The following SHISA9 variants were observed in gnomAD, a reference collection of about 807,000 sequenced individuals.
The protein encoded by SHISA9 is protein shisa-9.
In SHISA9, 13 loss-of-function variants were observed where a neutral mutation model predicts 38.0. That is an observed-to-expected ratio of 0.34 (90% CI 0.22 to 0.54). The LOEUF (loss-of-function observed/expected upper bound fraction) is 0.54. Among genes scored for constraint, SHISA9 ranks in the 20% least tolerant of loss-of-function variants. SHISA9 has a pLI of 0.91. For synonymous variants in SHISA9, 275 were observed against 242.0 expected (o/e 1.14, Z -1.27); for missense variants, 538 against 575.8 (o/e 0.93, Z 0.67).
At chr16:13,398,582 C>A in the SHISA9 span, among the ~76,000 whole-genome samples, 3 of 151,428 alleles carry the variant, frequency 2.0e-5, no homozygotes, top group South Asian at 2.1e-4. Flanking sequence ...CTCACTGCAA[C>A]CTCCGCCCCC....
At chr16:13,304,094 T>G in the SHISA9 span, among the ~76,000 whole-genome samples, 1 of 152,244 alleles carries the variant, frequency 6.6e-6, no homozygotes, top group African/African-American at 2.4e-5. Context: ...TACAGCTTTT[T>G]TGTTTACCTC....
chr16:13,094,461 T>TA (rs138180155), intron 2 of SHISA9, among the ~76,000 whole-genome samples: 9,387 of 149,966 alleles, frequency 0.063, 407 homozygotes, highest in Admixed American at 0.14. Context: ...TAGGCAAAAA[T>TA]AAAAAAAAAA....
the SHISA9 span, among the ~76,000 whole-genome samples, chr16:13,261,014 C>T: frequency 1.3e-5 from 2 of 152,082 alleles, no homozygotes; most frequent in East Asian, 1.9e-4. Context: ...CATCAGATCT[C>T]GTGAAACTTA....
intron 2 of SHISA9, among the ~76,000 whole-genome samples, chr16:12,918,132 G>A (rs1433418769): frequency 1.3e-5 from 2 of 152,072 alleles, no homozygotes; most frequent in South Asian, 2.1e-4. Flanking sequence ...ATGAGAAATA[G>A]CAACATTTTA....
chr16:13,382,105 A>G, the SHISA9 span, among the ~76,000 whole-genome samples: 1 of 152,238 alleles, frequency 6.6e-6, no homozygotes, highest in Admixed American at 6.5e-5. Flanking sequence ...TTGGAAGTGT[A>G]TTGATACAAA....
Position 13,138,408 on chromosome 16 carries a change from A to G in SHISA9, c.692-64986A>G, listed in dbSNP as rs528487432. 1.6e-4 allele frequency among the ~76,000 whole-genome samples: 25 copies of G among 152,328 alleles called. No individual in the cohort carries two copies. The South Asian group carries it at 5.2e-3, about 32-fold the overall frequency. Reference sequence around the variant, plus strand: ...ACTGTTTCATCCTTATCACACTATTATAATCAGGATGGCTACTTTTTAGAC... The same window carrying G: ...ACTGTTTCATCCTTATCACACTATTGTAATCAGGATGGCTACTTTTTAGAC... On this transcript the variant is annotated intron_variant, in intron 2 of 4. Transcript: ENST00000558583.
the SHISA9 span, among the ~76,000 whole-genome samples, chr16:13,493,195 G>T: frequency 6.6e-6 from 1 of 150,952 alleles, no homozygotes; most frequent in Non-Finnish European, 1.5e-5. Context: ...TTGAAACAAT[G>T]AAGTGTTTCA....
chr16:13,252,680 T>C, the SHISA9 span, among the ~76,000 whole-genome samples: 14 of 152,350 alleles, frequency 9.2e-5, no homozygotes, highest in South Asian at 1.9e-3. Context: ...CAGCCATTTC[T>C]ACCATATTAT....
intron 2 of SHISA9, among the ~76,000 whole-genome samples, chr16:13,069,102 A>G (rs980472439): frequency 6.6e-6 from 1 of 151,968 alleles, no homozygotes; most frequent in East Asian, 1.9e-4. Context: ...ATGTGTGTGT[A>G]TACATGTGTA....
At position 12,922,748 on chromosome 16, in the gene SHISA9, G is replaced by C. The variant is rs140425933; in HGVS notation, c.691+5933G>C. Among the ~76,000 whole-genome samples, 17 of 152,264 alleles carry C rather than the reference G, an allele frequency of 1.1e-4. 1 individual carries two copies. In the East Asian group the frequency reaches 3.3e-3, roughly 29 times the overall value. On this transcript the variant is annotated intron_variant, in intron 2 of 4. Coordinates refer to ENST00000558583, the MANE Select transcript of SHISA9 (RefSeq NM_001145204.3). ...TTGGCCAGGCTGGTCTTGAACTCCT[G>C]ACCTCAGGTGATCCACGTGCCTTAG...
chr16:13,401,775 G>T, the SHISA9 span, among the ~76,000 whole-genome samples: 1 of 152,152 alleles, frequency 6.6e-6, no homozygotes, highest in African/African-American at 2.4e-5. Context: ...ATACTGCTAT[G>T]GAGAAATGCC....
chr16:13,237,826 C>G lies in SHISA9; in HGVS notation c.*2417C>G, dbSNP rs930085522. 3.3e-5 allele frequency: 5 copies of G among 152,118 alleles called. No individual in the cohort carries two copies. The highest frequency in any genetic ancestry group is 2.1e-4 in the South Asian group (1 of 4,820). The allele number at this position is 152,118 out of a possible 1,614,324, so 9.4% of individuals were successfully genotyped here. A position where few individuals can be genotyped will look rare whatever the true frequency, so the allele number is the denominator to read the frequency against. ...GCTTCCCAGAGTCAAGTAAATACCA[C>G]TGGGCATGGTCAGAGTTTCCTTGAC... On this transcript the variant is annotated 3_prime_UTR_variant, in exon 5 of 5. Coordinates refer to ENST00000558583, the MANE Select transcript of SHISA9 (RefSeq NM_001145204.3).
chr16:13,191,129 A>T lies in SHISA9; in HGVS notation c.692-12265A>T, dbSNP rs182869758. Among the ~76,000 whole-genome samples, 569 of 152,338 alleles carry T rather than the reference A, an allele frequency of 3.7e-3. 4 individuals carry two copies. Among genetic ancestry groups the T allele is most frequent in the African/African-American group, 0.013 (530 of 41,572 alleles). ...GGTATTTCAAACCATAATTTTAAGGATTTCCCTCAAAAAGGTTGCTGGCAT... is the reference window on the plus strand; with the variant it reads ...GGTATTTCAAACCATAATTTTAAGGTTTTCCCTCAAAAAGGTTGCTGGCAT... On this transcript the variant is annotated intron_variant, in intron 2 of 4. Transcript: ENST00000558583.
At chr16:12,916,185 G>A (rs142388645) in intron 1 of SHISA9, among the ~76,000 whole-genome samples, 2 of 152,136 alleles carry the variant, frequency 1.3e-5, no homozygotes, top group East Asian at 3.9e-4. Context: ...CTGAGCCTTT[G>A]TTTACTTATC....
chr16:13,414,707 C>T, the SHISA9 span, among the ~76,000 whole-genome samples: 2 of 140,034 alleles, frequency 1.4e-5, no homozygotes, highest in African/African-American at 2.7e-5. Flanking sequence ...TGCAGTGGCG[C>T]GATCTTGGGT....
chr16:13,082,421 A>G (rs996066827), intron 2 of SHISA9: 2 of 152,124 alleles, frequency 1.3e-5, no homozygotes, highest in African/African-American at 2.4e-5. Context: ...TCGTAGCTCT[A>G]TGCTCTTTTC....
intron 2 of SHISA9, among the ~76,000 whole-genome samples, chr16:13,190,352 A>G (rs554992876): frequency 1.3e-5 from 2 of 151,896 alleles, no homozygotes; most frequent in Non-Finnish European, 2.9e-5. Flanking sequence ...CTTTAGAATG[A>G]TGATGGTGAG....
Position 12,901,839 on chromosome 16 carries a change from C to T in SHISA9, c.-226C>T, listed in dbSNP as rs945505605. 27 of 153,174 alleles carry T rather than the reference C, an allele frequency of 1.8e-4. No individual in the cohort carries two copies. Among genetic ancestry groups the T allele is most frequent in the Non-Finnish European group, 3.7e-4 (26 of 70,788 alleles). 9.5% of individuals were successfully genotyped at this position (153,174 alleles called of 1,614,324 possible). A position where few individuals can be genotyped will look rare whatever the true frequency, so the allele number is the denominator to read the frequency against. On this transcript the variant is annotated 5_prime_UTR_variant, in exon 1 of 5. Coordinates refer to ENST00000558583, the MANE Select transcript of SHISA9 (RefSeq NM_001145204.3). The stretch of plus-strand genomic sequence containing the variant: ...CGGGCGCGCTCCTCCCCGGCCGGCC[C>T]CTCGGCGCGCGGCGCGCTGGAGGCG...
At chr16:13,527,914 A>G in the SHISA9 span, among the ~76,000 whole-genome samples, 1 of 152,216 alleles carries the variant, frequency 6.6e-6, no homozygotes, top group Non-Finnish European at 1.5e-5. Flanking sequence ...AGGAAACGTG[A>G]TAGAAAAATC....
Sources: gnomAD v4.1 joint callset for allele counts (sites outside exome capture counted in the v4.1 genomes callset) on GRCh38, gnomAD v4.1.1 for gene constraint, MANE v1.5 for transcripts, NCBI Gene and HGNC (gene_info 2026-07-23, HGNC 2026-07-21) for gene names.